Variants in SCARA3 observed in about 807,000 individuals in gnomAD.
SCARA3 encodes cellular stress response gene protein.
Under a neutral mutation model 47.0 loss-of-function variants are expected in SCARA3, and 39 were observed. That is an observed-to-expected ratio of 0.83 (90% CI 0.64 to 1.08). The LOEUF (loss-of-function observed/expected upper bound fraction) is 1.08, where lower values mean the gene tolerates loss of function less well. Among genes scored for constraint, SCARA3 ranks in the 50% least tolerant of loss-of-function variants. SCARA3 has a pLI of 0.00. For missense variants in SCARA3, 724 were observed against 792.3 expected, an observed-to-expected ratio of 0.91 and a Z score of 1.04; for synonymous variants, 356 against 334.1, an observed-to-expected ratio of 1.07 and a Z score of -0.71.
At chr8:27,693,917 C>T in the SCARA3 span, among the ~76,000 whole-genome samples, 2 of 152,100 alleles carry the variant, frequency 1.3e-5, no homozygotes, top group African/African-American at 4.8e-5. Context: ...CAGATAGAAC[C>T]AATGTACGTC....
At chr8:27,645,993 C>G (rs543764845) in intron 1 of SCARA3, among the ~76,000 whole-genome samples, 17 of 152,316 alleles carry the variant, frequency 1.1e-4, no homozygotes, top group Admixed American at 8.5e-4. Context: ...AAGAGCCTCA[C>G]AAATGCTTTG....
At chr8:27,668,838 A>G (rs1802079171) in intron 5 of SCARA3, among the ~76,000 whole-genome samples, 1 of 152,214 alleles carries the variant, frequency 6.6e-6, no homozygotes, top group African/African-American at 2.4e-5. Context: ...CCTGTCTCGG[A>G]AAAAGAAAGA....
At chr8:27,696,439 T>G in the SCARA3 span, among the ~76,000 whole-genome samples, 3 of 152,088 alleles carry the variant, frequency 2.0e-5, no homozygotes, top group African/African-American at 7.2e-5. Flanking sequence ...ATCAGTATTT[T>G]TTGTTTTGTT....
At chr8:27,670,655 C>T (rs1000916726) in intron 5 of SCARA3, among the ~76,000 whole-genome samples, 4 of 152,144 alleles carry the variant, frequency 2.6e-5, no homozygotes, top group Admixed American at 1.3e-4. Flanking sequence ...GGCCCCTTCT[C>T]GAAGCTGGCC....
At chr8:27,729,642 T>C in the SCARA3 span, among the ~76,000 whole-genome samples, 1 of 151,674 alleles carries the variant, frequency 6.6e-6, no homozygotes, top group Non-Finnish European at 1.5e-5. Flanking sequence ...AACACAAAAA[T>C]TAGCCAGACG....
chr8:27,689,858 T>C, the SCARA3 span, among the ~76,000 whole-genome samples: 1 of 152,140 alleles, frequency 6.6e-6, no homozygotes, highest in Non-Finnish European at 1.5e-5. Context: ...GCACGGTGGC[T>C]CAAGCTGGTA....
At chr8:27,714,116 A>G in the SCARA3 span, among the ~76,000 whole-genome samples, 2 of 151,220 alleles carry the variant, frequency 1.3e-5, no homozygotes, top group African/African-American at 2.4e-5. Context: ...TGCCAGTGCC[A>G]TGCTTCCTGT....
rs34682684 is a variant in SCARA3 at position 27,656,922 on chromosome 8, G to A, written c.325+42G>A. The A allele has an allele frequency of 5.5e-4, 726 of 1,326,110 alleles. 3 individuals carry two copies. In the African/African-American group the frequency reaches 8.8e-3, roughly 16 times the overall value. The allele number at this position is 1,326,110 out of a possible 1,614,324, so 82.1% of individuals were successfully genotyped here. A position where few individuals can be genotyped will look rare whatever the true frequency, so the allele number is the denominator to read the frequency against. On this transcript the variant is annotated intron_variant, in intron 4 of 5. Transcript: ENST00000301904. ...ATGACTGTGATGCAGTGATCTTCAG[G>A]GTGGGGCAGGGGTGCCCTCCCCACG...
chr8:27,721,246 A>G, the SCARA3 span, among the ~76,000 whole-genome samples: 2 of 152,214 alleles, frequency 1.3e-5, no homozygotes, highest in Admixed American at 1.3e-4. Context: ...ATATACATAT[A>G]TATCTGTATT....
the SCARA3 span, among the ~76,000 whole-genome samples, chr8:27,721,460 G>A: frequency 2.0e-5 from 3 of 152,122 alleles, no homozygotes; most frequent in African/African-American, 7.2e-5. Flanking sequence ...GTAGATAAAT[G>A]TCATGGATAA....
rs1245151749 is a variant in SCARA3 at position 27,671,653 on chromosome 8, TGCACGCACACA to T, written c.*303_*313del. ...AGGCATACATGCATGCACACACACA[TGCACGCACACA>T]CACATGCACACATACACGTGCACAC... On this transcript the variant is annotated 3_prime_UTR_variant, in exon 6 of 6. Coordinates refer to ENST00000301904, the MANE Select transcript of SCARA3 (RefSeq NM_016240.3). The T allele has an allele frequency of 9.1e-7, 1 of 1,100,014 alleles. No homozygotes were observed. The highest frequency in any genetic ancestry group is 4.3e-5 in the East Asian group (1 of 23,308). 68.1% of individuals were successfully genotyped at this position (1,100,014 alleles called of 1,614,324 possible).
At chr8:27,687,695 A>G in the SCARA3 span, among the ~76,000 whole-genome samples, 1,933 of 152,228 alleles carry the variant, frequency 0.013, 42 homozygotes, top group African/African-American at 0.044. Flanking sequence ...GTCTGGCCCA[A>G]GAGGGGCAGA....
the SCARA3 span, among the ~76,000 whole-genome samples, chr8:27,718,510 G>T: frequency 6.6e-6 from 1 of 152,260 alleles, no homozygotes; most frequent in Admixed American, 6.5e-5. Flanking sequence ...GTGCCCAGAA[G>T]TGTGAAGACC....
chr8:27,724,089 C>T, the SCARA3 span, among the ~76,000 whole-genome samples: 19 of 152,316 alleles, frequency 1.2e-4, no homozygotes, highest in East Asian at 1.5e-3. Context: ...CCACAACTCT[C>T]GGCTTGATGA....
the SCARA3 span, among the ~76,000 whole-genome samples, chr8:27,694,218 A>C: frequency 6.6e-6 from 1 of 152,212 alleles, no homozygotes; most frequent in African/African-American, 2.4e-5. Flanking sequence ...TCCTTACTTC[A>C]TAGGGGAATA....
the SCARA3 span, among the ~76,000 whole-genome samples, chr8:27,681,997 GA>G: frequency 2.7e-5 from 4 of 149,730 alleles, no homozygotes; most frequent in Non-Finnish European, 4.5e-5. Flanking sequence ...AGAATATCTT[GA>G]AAAAAAAAGA....
the SCARA3 span, among the ~76,000 whole-genome samples, chr8:27,688,633 T>A: frequency 2.0e-5 from 3 of 151,984 alleles, no homozygotes; most frequent in African/African-American, 7.3e-5. Context: ...GAGGTAGAAG[T>A]CAGGGGTAGG....
chr8:27,634,228 G>T, intron 1 of SCARA3, 21 bp downstream of exon 1: 1 of 1,351,648 alleles, frequency 7.4e-7, no homozygotes, highest in Non-Finnish European at 9.5e-7. Context: ...CCTGTCGGGG[G>T]CAGCTCCGAG....
chr8:27,643,776 A>G (rs1801433690), intron 1 of SCARA3, among the ~76,000 whole-genome samples: 1 of 152,218 alleles, frequency 6.6e-6, no homozygotes, highest in Non-Finnish European at 1.5e-5. Context: ...GAAGTGCCCA[A>G]AGAAAGACCT....
Sources: allele counts gnomAD v4.1 joint callset (sites outside exome capture counted in the v4.1 genomes callset), GRCh38; gene constraint gnomAD v4.1.1; transcripts MANE v1.5; gene names NCBI Gene and HGNC (gene_info 2026-07-23, HGNC 2026-07-21).